KALRN: variants seen among roughly 807,000 people sequenced by gnomAD.
KALRN encodes the protein kalirin RhoGEF kinase.
A neutral mutation model predicts 353.7 loss-of-function variants in KALRN; 70 were observed. The observed-to-expected ratio is 0.20, with a 90% confidence interval of 0.16 to 0.24. KALRN has a LOEUF of 0.24. Ranked by LOEUF, KALRN falls within the 10% of genes least tolerant of loss-of-function variation. KALRN has a pLI of 1.00. For synonymous variants in KALRN, 1,391 were observed against 1,434.8 expected (o/e 0.97, Z 0.69); for missense variants, 2,791 against 3,756.7 (o/e 0.74, Z 6.72).
chr3:124,288,792 T>G (rs1464636595), intron 5 of KALRN, among the ~76,000 whole-genome samples: 1 of 152,104 alleles, frequency 6.6e-6, no homozygotes, highest in Non-Finnish European at 1.5e-5. Context: ...GCAGCAATAA[T>G]GGAAGTAAAA....
rs544702973 is a variant in KALRN, at chr3:124,360,881, T to C, written c.1770+13616T>C. The stretch of plus-strand genomic sequence containing the variant: ...AGGGAGCATGTGATGAATTTGCATA[T>C]AGGAGGAATGTATGCAAATTTCACA... On this transcript the variant is annotated intron_variant, in intron 10 of 59. Coordinates refer to ENST00000682506, the MANE Select transcript of KALRN (RefSeq NM_001388419.1). Among the ~76,000 whole-genome samples, 14 of 152,314 alleles carry C rather than the reference T, an allele frequency of 9.2e-5. No homozygotes were observed. The South Asian group carries it at 2.9e-3, about 32-fold the overall frequency.
intron 34 of KALRN, among the ~76,000 whole-genome samples, chr3:124,574,608 G>T (rs1278057152): frequency 6.6e-6 from 1 of 152,226 alleles, no homozygotes; most frequent in Non-Finnish European, 1.5e-5. Context: ...TTTCTGAGAA[G>T]AAGCTGGAGA....
At chr3:124,417,093 T>A (rs2092546088) in intron 14 of KALRN, among the ~76,000 whole-genome samples, 1 of 152,156 alleles carries the variant, frequency 6.6e-6, no homozygotes, top group Admixed American at 6.5e-5. Context: ...ACAGGAGCAA[T>A]TTCTTAATTT....
At position 124,536,037 on chromosome 3, in the gene KALRN, G is replaced by C. The variant is rs571210267; in HGVS notation, c.4936-26806G>C. ...AGTTACATCCCATTGGCCAGAGTGTGATAATATGCCTGCAATAGCTGCAAG... is the reference window on the plus strand; with the variant it reads ...AGTTACATCCCATTGGCCAGAGTGTCATAATATGCCTGCAATAGCTGCAAG... On this transcript the variant is annotated intron_variant, in intron 33 of 59. Transcript: ENST00000682506. Among the ~76,000 whole-genome samples, 39 of 152,270 alleles carry C rather than the reference G, an allele frequency of 2.6e-4. No homozygotes were observed. The South Asian group carries it at 7.0e-3, about 28-fold the overall frequency.
At chr3:124,698,090 C>T (rs2062139871) in intron 55 of KALRN, among the ~76,000 whole-genome samples, 1 of 152,308 alleles carries the variant, frequency 6.6e-6, no homozygotes, top group Non-Finnish European at 1.5e-5. Flanking sequence ...CCACCTCAGC[C>T]TCCTGAGTAG....
At chr3:124,657,959 C>G (rs1248729041) in intron 41 of KALRN, among the ~76,000 whole-genome samples, 156 bp downstream of exon 41, 1 of 152,104 alleles carries the variant, frequency 6.6e-6, no homozygotes, top group Non-Finnish European at 1.5e-5. Context: ...TTGAGACCAG[C>G]CTGGGCAACA....
At chr3:124,691,149 C>A (rs1161105433) in intron 51 of KALRN, among the ~76,000 whole-genome samples, 1 of 152,146 alleles carries the variant, frequency 6.6e-6, no homozygotes, top group Non-Finnish European at 1.5e-5. Flanking sequence ...GAAAGTGAGT[C>A]CGGGCGTGGT....
At chr3:124,561,047 T>A (rs1306264687) in intron 33 of KALRN, among the ~76,000 whole-genome samples, 1 of 152,206 alleles carries the variant, frequency 6.6e-6, no homozygotes. Flanking sequence ...TTTCTGAGCT[T>A]GAATTTCCTG....
At chr3:124,191,249 G>T (rs1339006618) in intron 1 of KALRN, among the ~76,000 whole-genome samples, 2 of 151,856 alleles carry the variant, frequency 1.3e-5, no homozygotes, top group Non-Finnish European at 2.9e-5. Flanking sequence ...CATTGTATAG[G>T]CACGACTGAC....
At chr3:124,128,965 A>C (rs1471789242) in intron 1 of KALRN, among the ~76,000 whole-genome samples, 1 of 152,060 alleles carries the variant, frequency 6.6e-6, no homozygotes, top group East Asian at 1.9e-4. Flanking sequence ...TTTCCATCCC[A>C]GAAAATCATG....
intron 1 of KALRN, among the ~76,000 whole-genome samples, chr3:124,040,349 G>A (rs2039844076): frequency 6.6e-6 from 1 of 152,164 alleles, no homozygotes; most frequent in Admixed American, 6.5e-5. Flanking sequence ...GCTGGAGGTG[G>A]TCAGTATGGT....
chr3:124,612,693 G>C (rs887900489), intron 34 of KALRN, among the ~76,000 whole-genome samples: 1 of 152,008 alleles, frequency 6.6e-6, no homozygotes, highest in African/African-American at 2.4e-5. Context: ...TCATTCATTT[G>C]TTAGTTTCTT....
At chr3:124,207,174 G>A (rs148708388) in intron 1 of KALRN, among the ~76,000 whole-genome samples, 3 of 152,322 alleles carry the variant, frequency 2.0e-5, no homozygotes, top group African/African-American at 4.8e-5. Context: ...TCGGGATCAG[G>A]CTAGTCTGTG....
At chr3:124,515,702 C>G (rs368808510) in intron 33 of KALRN, among the ~76,000 whole-genome samples, 3 of 152,296 alleles carry the variant, frequency 2.0e-5, no homozygotes, top group African/African-American at 7.2e-5. Context: ...AGAGAAATTA[C>G]TGGCATTTCA....
At chr3:124,376,925 G>GA (rs796580229) in intron 10 of KALRN, among the ~76,000 whole-genome samples, 1 of 149,774 alleles carries the variant, frequency 6.7e-6, no homozygotes, top group African/African-American at 2.5e-5. Context: ...TATTGCAAAA[G>GA]AAAAAAAAAG....
intron 7 of KALRN, among the ~76,000 whole-genome samples, chr3:124,327,870 A>G (rs774918332): frequency 1.3e-5 from 2 of 152,202 alleles, no homozygotes; most frequent in Non-Finnish European, 2.9e-5. Flanking sequence ...GGCAAGACAC[A>G]TGGATTCTGA....
At chr3:124,204,383 G>A (rs770869734) in intron 1 of KALRN, among the ~76,000 whole-genome samples, 9 of 152,124 alleles carry the variant, frequency 5.9e-5, no homozygotes, top group Non-Finnish European at 1.2e-4. Flanking sequence ...ACTGCTGTGG[G>A]CTACAAATTA....
rs935754357 is a variant in KALRN, at chr3:124,496,006, T to C, written c.4833-305T>C. On this transcript the variant is annotated intron_variant, in intron 32 of 59. Coordinates refer to ENST00000682506, the MANE Select transcript of KALRN (RefSeq NM_001388419.1). ...ATATATATATATATATATATATATA[T>C]ATATATACACACACATATATACATA... Among the ~76,000 whole-genome samples, 28 of 54,916 alleles carry C rather than the reference T, an allele frequency of 5.1e-4. 1 individual carries two copies. Among genetic ancestry groups the C allele is most frequent in the East Asian group, 1.7e-3 (2 of 1,206 alleles). 36.0% of individuals were successfully genotyped at this position (54,916 alleles called of 152,430 possible). A position where few individuals can be genotyped will look rare whatever the true frequency, so the allele number is the denominator to read the frequency against.
At chr3:124,628,477 TCCTTCCCTTCCCTC>T (rs1167000559) in intron 34 of KALRN, among the ~76,000 whole-genome samples, 1 of 105,820 alleles carries the variant, frequency 9.5e-6, no homozygotes, top group Admixed American at 1.1e-4. Context: ...TTCCTTCCCT[TCCTTCCCTTCCCTC>T]CCTTCCCTTC....
Sources: gnomAD v4.1 joint callset for allele counts (sites outside exome capture counted in the v4.1 genomes callset) on GRCh38, gnomAD v4.1.1 for gene constraint, MANE v1.5 for transcripts, NCBI Gene and HGNC (gene_info 2026-07-23, HGNC 2026-07-21) for gene names.